The following GTF2E2 variants were observed in gnomAD, a reference collection of about 807,000 sequenced individuals.
GTF2E2 encodes general transcription factor IIE subunit 2, also known as transcription initiation factor IIE subunit beta.
Under a neutral mutation model 40.5 loss-of-function variants are expected in GTF2E2, and 21 were observed. The observed-to-expected ratio is 0.52, with a 90% confidence interval of 0.37 to 0.75. The LOEUF is 0.75. GTF2E2 is among the 30% of genes least tolerant of loss of function. The probability of loss-of-function intolerance (pLI) is 0.00; values close to 1 mark genes in which losing one functional copy is unlikely to be tolerated. For missense variants in GTF2E2, 298 were observed against 338.4 expected (o/e 0.88, Z 0.94); for synonymous variants, 117 against 121.6 (o/e 0.96, Z 0.25).
intron 2 of GTF2E2, among the ~76,000 whole-genome samples, chr8:30,653,182 A>C (rs187104021): frequency 1.3e-5 from 2 of 152,330 alleles, no homozygotes; most frequent in African/African-American, 4.8e-5. Flanking sequence ...GTAAACTTAA[A>C]ATGAATGAAC....
intron 6 of GTF2E2, among the ~76,000 whole-genome samples, chr8:30,587,871 TAAAAA>T (rs58179732): frequency 9.5e-6 from 1 of 105,064 alleles, no homozygotes; most frequent in African/African-American, 3.9e-5. Flanking sequence ...GACTCCGTCT[TAAAAA>T]AAAAAAAAAA....
At chr8:30,633,136 T>C (rs1304492911) in intron 3 of GTF2E2, among the ~76,000 whole-genome samples, 1 of 152,140 alleles carries the variant, frequency 6.6e-6, no homozygotes, top group Non-Finnish European at 1.5e-5. Context: ...TTTTAACACT[T>C]AGAGCTTTAC....
At chr8:30,606,900 A>C (rs926682410) in intron 6 of GTF2E2, among the ~76,000 whole-genome samples, 157 bp downstream of exon 6, 1 of 152,158 alleles carries the variant, frequency 6.6e-6, no homozygotes, top group Non-Finnish European at 1.5e-5. Flanking sequence ...CTAAGCAACA[A>C]TATGTTAGAC....
intron 6 of GTF2E2, among the ~76,000 whole-genome samples, chr8:30,601,245 G>C (rs918017157): frequency 2.0e-5 from 3 of 152,164 alleles, no homozygotes; most frequent in Admixed American, 6.6e-5. Context: ...GCTCAGCCTG[G>C]AAGGTCAAGG....
intron 6 of GTF2E2, among the ~76,000 whole-genome samples, chr8:30,583,858 T>C (rs1032651906): frequency 1.3e-5 from 2 of 152,022 alleles, no homozygotes; most frequent in African/African-American, 4.8e-5. Context: ...CAGGCTGGAG[T>C]GCAGTGGTGC....
intron 3 of GTF2E2, among the ~76,000 whole-genome samples, chr8:30,630,276 T>A (rs1801402668): frequency 6.6e-6 from 1 of 152,194 alleles, no homozygotes; most frequent in East Asian, 1.9e-4. Flanking sequence ...CTCCACTGCA[T>A]GTTCTCAGTA....
chr8:30,619,288 T>A (rs936244938), intron 3 of GTF2E2, among the ~76,000 whole-genome samples: 1 of 152,216 alleles, frequency 6.6e-6, no homozygotes, highest in South Asian at 2.1e-4. Flanking sequence ...TAATCTTTAT[T>A]TTTAAAAAGT....
chr8:30,601,589 C>T (rs181649475), intron 6 of GTF2E2, among the ~76,000 whole-genome samples: 1 of 152,126 alleles, frequency 6.6e-6, no homozygotes, highest in Admixed American at 6.5e-5. Context: ...CTGCCAAGGT[C>T]GAAAGCCCTG....
chr8:30,601,890 C>A (rs1829190733), intron 6 of GTF2E2, among the ~76,000 whole-genome samples: 1 of 152,172 alleles, frequency 6.6e-6, no homozygotes, highest in African/African-American at 2.4e-5. Context: ...GCCAATACAT[C>A]GTAACTATAT....
intron 6 of GTF2E2, among the ~76,000 whole-genome samples, chr8:30,606,294 C>A (rs1686332640): frequency 6.6e-6 from 1 of 152,146 alleles, no homozygotes; most frequent in Non-Finnish European, 1.5e-5. Flanking sequence ...GCCCTATCTA[C>A]CAGAACCACA....
intron 5 of GTF2E2, among the ~76,000 whole-genome samples, chr8:30,607,779 T>C (rs1249256419): frequency 6.6e-6 from 1 of 152,220 alleles, no homozygotes; most frequent in Non-Finnish European, 1.5e-5. Context: ...AATAGAATCT[T>C]GGTGTTCTTA....
intron 3 of GTF2E2, among the ~76,000 whole-genome samples, chr8:30,615,005 C>T (rs1412706276): frequency 6.6e-6 from 1 of 151,906 alleles, no homozygotes; most frequent in Non-Finnish European, 1.5e-5. Flanking sequence ...AGACCAGGCA[C>T]AGTGGCTCAT....
intron 6 of GTF2E2, among the ~76,000 whole-genome samples, chr8:30,590,954 G>A (rs1229278032): frequency 3.9e-5 from 6 of 152,148 alleles, no homozygotes; most frequent in African/African-American, 1.4e-4. Context: ...GCCTCTCAAA[G>A]TGCTGGGATT....
At chr8:30,606,480 G>A (rs1829318553) in intron 6 of GTF2E2, among the ~76,000 whole-genome samples, 1 of 152,106 alleles carries the variant, frequency 6.6e-6, no homozygotes, top group African/African-American at 2.4e-5. Context: ...TGGTAAACTT[G>A]AATAATACAT....
intron 3 of GTF2E2, among the ~76,000 whole-genome samples, chr8:30,623,922 G>T (rs917762069): frequency 5.7e-4 from 87 of 151,772 alleles, no homozygotes; most frequent in Admixed American, 5.9e-4. Flanking sequence ...CCCTTTGTCA[G>T]ATGAGTAGAT....
chr8:30,649,136 G>C (rs944470282), intron 2 of GTF2E2, among the ~76,000 whole-genome samples: 1 of 151,882 alleles, frequency 6.6e-6, no homozygotes, highest in Non-Finnish European at 1.5e-5. Context: ...TCATTGGAAC[G>C]ACATATAAAC....
chr8:30,595,284 A>G (rs1828968648), intron 6 of GTF2E2, among the ~76,000 whole-genome samples: 1 of 152,194 alleles, frequency 6.6e-6, no homozygotes, highest in Admixed American at 6.5e-5. Context: ...TTTATTTCCC[A>G]TAACACGCCC....
intron 6 of GTF2E2, among the ~76,000 whole-genome samples, chr8:30,605,726 A>G (rs1416872116): frequency 2.0e-5 from 3 of 152,074 alleles, no homozygotes; most frequent in Non-Finnish European, 4.4e-5. Context: ...GCGGTGGCAC[A>G]ATCAGCTCAC....
chr8:30,589,687 A>G (rs1480765527), intron 6 of GTF2E2, among the ~76,000 whole-genome samples: 2 of 152,256 alleles, frequency 1.3e-5, no homozygotes, highest in African/African-American at 4.8e-5. Context: ...ATGACCTGCT[A>G]TCTGGACATC....
Sources: allele counts gnomAD v4.1 joint callset (sites outside exome capture counted in the v4.1 genomes callset), GRCh38; gene constraint gnomAD v4.1.1; transcripts MANE v1.5; gene names NCBI Gene and HGNC (gene_info 2026-07-23, HGNC 2026-07-21).